HMCN1: variants seen among roughly 807,000 people sequenced by gnomAD.
The protein encoded by HMCN1 is hemicentin 1.
In HMCN1, 321 loss-of-function variants were observed where a neutral mutation model predicts 625.9. The observed-to-expected ratio is 0.51, with a 90% CI of 0.47 to 0.56. HMCN1 has a LOEUF of 0.56. Among genes scored for constraint, HMCN1 ranks in the 20% least tolerant of loss-of-function variants. The pLI, the probability that HMCN1 is intolerant of heterozygous loss-of-function variation, is 0.00. For missense variants in HMCN1, 6,588 were observed against 6,887.3 expected, an observed-to-expected ratio of 0.96 and a Z score of 1.54; for synonymous variants, 2,425 against 2,417.6, an observed-to-expected ratio of 1.00 and a Z score of -0.09.
At chr1:185,941,173 G>C (rs748012514) in intron 11 of HMCN1, among the ~76,000 whole-genome samples, 1 of 152,120 alleles carries the variant, frequency 6.6e-6, no homozygotes, top group African/African-American at 2.4e-5. Context: ...ACTTTTTAAA[G>C]AGTATGAGAT....
intron 1 of HMCN1, among the ~76,000 whole-genome samples, chr1:185,783,305 C>G (rs1398059695): frequency 6.6e-6 from 1 of 152,184 alleles, no homozygotes; most frequent in African/African-American, 2.4e-5. Context: ...CGTCCTTTAG[C>G]TTGGAGAAGT....
chr1:186,060,236 A>G (rs1340810511), intron 46 of HMCN1, among the ~76,000 whole-genome samples: 1 of 152,100 alleles, frequency 6.6e-6, no homozygotes, highest in Admixed American at 6.6e-5. Flanking sequence ...CAGAAAACAG[A>G]TAGAATACCC....
At chr1:186,173,159 C>G (rs1167363427) in intron 102 of HMCN1, among the ~76,000 whole-genome samples, 1 of 152,044 alleles carries the variant, frequency 6.6e-6, no homozygotes. Context: ...TACAGTTTTT[C>G]TTTTAAAAAT....
At chr1:185,831,287 T>A (rs991516029) in intron 1 of HMCN1, among the ~76,000 whole-genome samples, 2 of 152,138 alleles carry the variant, frequency 1.3e-5, no homozygotes, top group Non-Finnish European at 2.9e-5. Context: ...GAAGAACACA[T>A]GATTATATTA....
chr1:186,188,999 A>G (rs1653537301), intron 106 of HMCN1, among the ~76,000 whole-genome samples: 1 of 152,324 alleles, frequency 6.6e-6, no homozygotes, highest in Middle Eastern at 3.4e-3. Flanking sequence ...AAGCTTTTTA[A>G]TCTACAATAA....
chr1:185,805,683 A>G (rs890693523), intron 1 of HMCN1, among the ~76,000 whole-genome samples: 1 of 152,132 alleles, frequency 6.6e-6, no homozygotes, highest in Non-Finnish European at 1.5e-5. Flanking sequence ...GCTGTAGTGT[A>G]TGTGCTATTT....
intron 6 of HMCN1, among the ~76,000 whole-genome samples, chr1:185,917,487 G>T (rs911075198): frequency 6.6e-5 from 10 of 152,208 alleles, no homozygotes. Context: ...GACATAACAG[G>T]GTTTTAAGAG....
intron 1 of HMCN1, among the ~76,000 whole-genome samples, chr1:185,757,659 GT>G (rs1189592543): frequency 3.3e-5 from 5 of 151,914 alleles, no homozygotes; most frequent in Non-Finnish European, 7.4e-5. Context: ...CTTATTTATT[GT>G]TTTCTTCCCC....
At chr1:185,875,307 A>C (rs1663861069) in intron 4 of HMCN1, among the ~76,000 whole-genome samples, 1 of 152,156 alleles carries the variant, frequency 6.6e-6, no homozygotes, top group South Asian at 2.1e-4. Flanking sequence ...AAAAATTTCA[A>C]ACACACCTCA....
Position 186,076,639 on chromosome 1 carries a change from A to G in HMCN1, c.8485+17A>G, listed in dbSNP as rs755445566. The stretch of plus-strand genomic sequence containing the variant: ...TTTTGCCAGGTAAAGATTGATACCA[A>G]CAGGGTGAAAAGCTGACTCTCTGCC... On this transcript the variant is annotated intron_variant, in intron 54 of 106. Transcript: ENST00000271588. The G allele has an allele frequency of 1.4e-5, 22 of 1,607,960 alleles. No individual in the cohort carries two copies. The highest frequency in any genetic ancestry group is 1.9e-5 in the Non-Finnish European group (22 of 1,176,722).
chr1:186,013,664 G>A (rs1042525182), intron 30 of HMCN1, among the ~76,000 whole-genome samples: 4 of 152,022 alleles, frequency 2.6e-5, no homozygotes, highest in African/African-American at 9.7e-5. Flanking sequence ...TAGTAAGGCC[G>A]AAAGTAAGGA....
intron 57 of HMCN1, among the ~76,000 whole-genome samples, chr1:186,083,493 T>C (rs1359243038): frequency 8.9e-6 from 1 of 112,214 alleles, no homozygotes; most frequent in African/African-American, 4.4e-5. Flanking sequence ...TAAATACCAC[T>C]TTTTGCTAAA....
intron 100 of HMCN1, among the ~76,000 whole-genome samples, chr1:186,167,837 TAATA>T (rs533462921): frequency 1.1e-4 from 16 of 152,168 alleles, no homozygotes; most frequent in Admixed American, 2.0e-4. Context: ...AATTGCTCAA[TAATA>T]AATATTCCAT....
At chr1:186,003,190 A>G (rs907073147) in intron 28 of HMCN1, among the ~76,000 whole-genome samples, 2 of 152,184 alleles carry the variant, frequency 1.3e-5, no homozygotes, top group African/African-American at 4.8e-5. Flanking sequence ...ACAGGGAAGT[A>G]TCCAGAAGCT....
chr1:186,062,276 G>A (rs890034319), intron 47 of HMCN1, among the ~76,000 whole-genome samples: 1 of 152,072 alleles, frequency 6.6e-6, no homozygotes, highest in African/African-American at 2.4e-5. Flanking sequence ...GTGATTTGTT[G>A]ACATTTTTAT....
chr1:185,950,369 T>C (rs1268350110), intron 11 of HMCN1, among the ~76,000 whole-genome samples: 3 of 151,024 alleles, frequency 2.0e-5, no homozygotes, highest in Admixed American at 6.6e-5. Flanking sequence ...ATTAAAGCAG[T>C]GGCAGCCGCT....
At chr1:185,988,048 GTGTTCAC>G (rs1652130605) in intron 20 of HMCN1, among the ~76,000 whole-genome samples, 1 of 152,154 alleles carries the variant, frequency 6.6e-6, no homozygotes, top group Non-Finnish European at 1.5e-5. Context: ...TGCTACGGAC[GTGTTCAC>G]TGTAATGTTG....
At chr1:185,815,422 G>T (rs1327974646) in intron 1 of HMCN1, among the ~76,000 whole-genome samples, 1 of 149,998 alleles carries the variant, frequency 6.7e-6, no homozygotes. Flanking sequence ...AATCACTTAG[G>T]ATTCTTATAA....
intron 75 of HMCN1, among the ~76,000 whole-genome samples, chr1:186,116,421 A>AAAAT (rs146234653): frequency 6.7e-6 from 1 of 148,990 alleles, no homozygotes; most frequent in African/African-American, 2.5e-5. Context: ...TTCAAAACTA[A>AAAAT]ATATATATAT....
Sources: allele counts gnomAD v4.1 joint callset (sites outside exome capture counted in the v4.1 genomes callset), GRCh38; gene constraint gnomAD v4.1.1; transcripts MANE v1.5; gene names NCBI Gene and HGNC (gene_info 2026-07-23, HGNC 2026-07-21).